Variants in MYH13 observed in about 807,000 individuals in gnomAD.
MYH13 encodes the protein myosin heavy chain 13.
A neutral mutation model predicts 232.1 loss-of-function variants in MYH13; 177 were observed. That is an observed-to-expected ratio of 0.76 (90% confidence interval 0.67 to 0.86). The LOEUF (loss-of-function observed/expected upper bound fraction) is 0.86, where lower values mean the gene tolerates loss of function less well. MYH13 is among the 40% of genes least tolerant of loss of function. The probability of loss-of-function intolerance (pLI) is 0.00; values close to 1 mark genes in which losing one functional copy is unlikely to be tolerated. For synonymous variants in MYH13, 884 were observed against 923.5 expected (o/e 0.96, Z 0.78); for missense variants, 2,246 against 2,405.9 (o/e 0.93, Z 1.39).
At chr17:10,331,951 AC>A (rs1326719258) in intron 20 of MYH13, 147 bp downstream of exon 20, 1 of 919,048 alleles carries the variant, frequency 1.1e-6, no homozygotes, top group Non-Finnish European at 1.6e-6. Context: ...AGCTCTGTCT[AC>A]CTAGACACAG....
Position 10,343,889 on chromosome 17 carries a change from G to T in MYH13, c.1805C>A (p.Pro602His), listed in dbSNP as rs760149394. 2 of 1,614,224 alleles carry T rather than the reference G, an allele frequency of 1.2e-6. No individual in the cohort carries two copies. Among genetic ancestry groups the T allele is most frequent in the Non-Finnish European group, 1.7e-6 (2 of 1,180,030 alleles). The change falls in exon 16 of 41, where the codon CCC (proline) becomes CAC (histidine). Residue 602 changes from proline to histidine, a missense_variant. By Grantham distance (77) the Pro-to-His change is moderately conservative. Coordinates refer to ENST00000252172, the MANE Select transcript of MYH13 (RefSeq NM_003802.3). ...CAGCCCCACCACAGTCTCGTTCAGG[G>T]GGTCCTTGTTTTTGTCCAGCCAGCC... Reference protein sequence around the residue: ...IAGWLDKNKDPLNETVVGLYQ... With the variant: ...IAGWLDKNKDHLNETVVGLYQ...
At chr17:10,368,114 T>C (rs560031260) in intron 2 of MYH13, among the ~76,000 whole-genome samples, 80 of 152,332 alleles carry the variant, frequency 5.3e-4, no homozygotes, top group South Asian at 2.1e-3. Flanking sequence ...TACTTCCAAA[T>C]GTGGACACAT....
chr17:10,356,049 T>C lies in MYH13; in HGVS notation c.739-902A>G, dbSNP rs553321652. On this transcript the variant is annotated intron_variant, in intron 8 of 40. Transcript: ENST00000252172. ...GGGGAGTGGGAGGTAAAATTTCATATGCGTGTTTGTGTGTATGCACCTGCT... is the reference window on the plus strand; with the variant it reads ...GGGGAGTGGGAGGTAAAATTTCATACGCGTGTTTGTGTGTATGCACCTGCT... 9.9e-5 allele frequency among the ~76,000 whole-genome samples: 15 copies of C among 152,212 alleles called. 1 individual carries two copies. In the South Asian group the frequency reaches 2.3e-3, roughly 23 times the overall value.
chr17:10,306,806 T>C lies in MYH13; in HGVS notation c.5295+133A>G. 2 of 1,542,250 alleles carry C rather than the reference T, an allele frequency of 1.3e-6. No homozygotes were observed. The highest frequency in any genetic ancestry group is 2.7e-5 in the African/African-American group (2 of 73,316). ...TTGCCACTGCTGAGACTGTACCTCA[T>C]TACATCTGTCTGGGAAGCCACCACT... is the stretch of plus-strand genomic sequence containing the variant. On this transcript the variant is annotated intron_variant, in intron 36 of 40. Coordinates refer to ENST00000252172, the MANE Select transcript of MYH13 (RefSeq NM_003802.3). This position sits in a 1 kb window ranked among gnomAD's most constrained non-coding sequence, Gnocchi z 4.3.
At chr17:10,352,465 C>T (rs951665058) in intron 11 of MYH13, among the ~76,000 whole-genome samples, 4 of 152,100 alleles carry the variant, frequency 2.6e-5, no homozygotes, top group Admixed American at 2.6e-4. Context: ...TGACAGGTGC[C>T]TGTCATCCCA....
chr17:10,358,394 T>TAG (rs1379232451), intron 7 of MYH13, among the ~76,000 whole-genome samples: 1 of 152,156 alleles, frequency 6.6e-6, no homozygotes, highest in Non-Finnish European at 1.5e-5. Flanking sequence ...CAGAGCAATT[T>TAG]AGAAACTACT....
chr17:10,323,494 A>T (rs1361281186), intron 23 of MYH13, among the ~76,000 whole-genome samples: 1 of 152,070 alleles, frequency 6.6e-6, no homozygotes, highest in Non-Finnish European at 1.5e-5. Flanking sequence ...GGCCGGGCTC[A>T]CACCTGTAAT....
intron 15 of MYH13, among the ~76,000 whole-genome samples, chr17:10,344,384 A>C (rs532578877): frequency 1.8e-4 from 28 of 152,342 alleles, no homozygotes; most frequent in African/African-American, 6.0e-4. Flanking sequence ...TGTACAAAAA[A>C]GTAAAGTTTC....
intron 25 of MYH13, 33 bp from the exon 26 acceptor site, chr17:10,320,276 G>T (rs770053677): frequency 7.5e-6 from 12 of 1,599,196 alleles, no homozygotes; most frequent in Admixed American, 3.5e-5. Flanking sequence ...TAAAGAACAT[G>T]AAATACAAGC....
rs375602820 is a variant in MYH13, at chr17:10,331,401, A to G, written c.2298+698T>C. On this transcript the variant is annotated intron_variant, in intron 20 of 40. Transcript: ENST00000252172. Reference sequence around the variant, plus strand: ...TTGAAGCTGACCTTTGCCACTTACTATCTATCCATGTGTGACCTTGAGTAA... The same window carrying G: ...TTGAAGCTGACCTTTGCCACTTACTGTCTATCCATGTGTGACCTTGAGTAA... Among the ~76,000 whole-genome samples, 16 of 152,226 alleles carry G rather than the reference A, an allele frequency of 1.1e-4. No individual in the cohort carries two copies. The South Asian group carries it at 1.9e-3, about 18-fold the overall frequency.
At position 10,306,107 on chromosome 17, in the gene MYH13, T is replaced by C. The variant is rs914241645; in HGVS notation, c.5466+352A>G. ...AATTTTATGACTGTAGAGTATATGT[T>C]AATAGTTTTTTCCATGTATGTGCGT... On this transcript the variant is annotated intron_variant, in intron 37 of 40. Coordinates refer to ENST00000252172, the MANE Select transcript of MYH13 (RefSeq NM_003802.3). The surrounding 1 kb of genome is among the most constrained non-coding windows in gnomAD (Gnocchi z 4.3). Among the ~76,000 whole-genome samples, 6 of 152,152 alleles carry C rather than the reference T, an allele frequency of 3.9e-5. No individual in the cohort carries two copies. The highest frequency in any genetic ancestry group is 1.4e-4 in the African/African-American group (6 of 41,428).
chr17:10,313,918 G>A (rs1299397742), intron 29 of MYH13, among the ~76,000 whole-genome samples: 1 of 152,222 alleles, frequency 6.6e-6, no homozygotes, highest in Non-Finnish European at 1.5e-5. Flanking sequence ...TTGCTGATGT[G>A]AGCTTCGCTG....
chr17:10,324,570 G>T (rs560947476), intron 22 of MYH13, among the ~76,000 whole-genome samples: 1 of 151,180 alleles, frequency 6.6e-6, no homozygotes, highest in Non-Finnish European at 1.5e-5. Flanking sequence ...TCAGCCTCCC[G>T]AGTTGCTGGG....
intron 12 of MYH13, among the ~76,000 whole-genome samples, chr17:10,349,045 CTTCCCTTCCCTTCCT>C (rs1023720164): frequency 5.3e-5 from 8 of 150,094 alleles, no homozygotes; most frequent in South Asian, 2.1e-4. Flanking sequence ...TCTCCCTTCC[CTTCCCTTCCCTTCCT>C]TTCCCTTCCC....
Position 10,350,630 on chromosome 17 carries a change from G to C in MYH13, c.1070C>G (p.Ala357Gly). Reference protein sequence around the residue: ...EKVGIYKLTGAVMHYGNMKFK... With the variant: ...EKVGIYKLTGGVMHYGNMKFK... ...CTTCATGTTCCCATAATGCATCACGGCTCCCGTCAGTTTGTAGATCCCGAC... is the reference window on the plus strand; with the variant it reads ...CTTCATGTTCCCATAATGCATCACGCCTCCCGTCAGTTTGTAGATCCCGAC... The change falls in exon 12 of 41, where the codon GCC becomes GGC. Residue 357 changes from alanine to glycine, a missense_variant. Ala to Gly is a moderately conservative substitution (Grantham distance 60). Coordinates refer to ENST00000252172, the MANE Select transcript of MYH13 (RefSeq NM_003802.3). 2 of 1,613,668 alleles carry C rather than the reference G, an allele frequency of 1.2e-6. No individual in the cohort carries two copies. The highest frequency in any genetic ancestry group is 1.7e-6 in the Non-Finnish European group (2 of 1,179,938).
chr17:10,354,817 G>A (rs746998124), intron 10 of MYH13, 34 bp from the exon 11 acceptor site: 1 of 1,595,248 alleles, frequency 6.3e-7, no homozygotes, highest in East Asian at 2.3e-5. Flanking sequence ...AATGGCTTAT[G>A]CATAACTTAC....
intron 3 of MYH13, 129 bp downstream of exon 3, chr17:10,364,198 G>A (rs1047868578): frequency 2.9e-5 from 28 of 971,312 alleles, no homozygotes; most frequent in South Asian, 6.5e-5. Context: ...CTACTTCACC[G>A]CAGAACAGAT....
chr17:10,362,078 A>G (rs1217572294), intron 5 of MYH13, 40 bp downstream of exon 5: 4 of 1,612,994 alleles, frequency 2.5e-6, no homozygotes, highest in Non-Finnish European at 3.4e-6. Flanking sequence ...AAATTAACTA[A>G]GGATGGCTTC....
intron 33 of MYH13, 118 bp from the exon 34 acceptor site, chr17:10,309,948 T>A (rs1443331206): frequency 3.8e-5 from 25 of 658,884 alleles, no homozygotes; most frequent in East Asian, 5.3e-5. Flanking sequence ...AAATTTAAAT[T>A]TTTTTTTTTT....
Sources: gnomAD v4.1 joint callset for allele counts (sites outside exome capture counted in the v4.1 genomes callset) on GRCh38, gnomAD v4.1.1 for gene constraint, Gnocchi (gnomAD v3.1) non-coding constraint, MANE v1.5 for transcripts, NCBI Gene and HGNC (gene_info 2026-07-23, HGNC 2026-07-21) for gene names.